NFE2L2: variants seen among roughly 807,000 people sequenced by gnomAD.
NFE2L2 encodes NFE2 like bZIP transcription factor 2.
A neutral mutation model predicts 49.6 loss-of-function variants in NFE2L2; 20 were observed. That is an observed-to-expected ratio of 0.40 (90% CI 0.28 to 0.59). NFE2L2 has a LOEUF of 0.59. Ranked by LOEUF, NFE2L2 falls within the 20% of genes least tolerant of loss-of-function variation. NFE2L2 has a pLI of 0.40. For synonymous variants in NFE2L2, 244 were observed against 256.5 expected (o/e 0.95, Z 0.47); for missense variants, 578 against 714.2 (o/e 0.81, Z 2.17).
chr2:177,264,354 C>T (rs1690860490), intron 1 of NFE2L2, 178 bp downstream of exon 1: 2 of 568,900 alleles, frequency 3.5e-6, no homozygotes, highest in East Asian at 3.6e-5. Flanking sequence ...GCCGCGTCCC[C>T]GCTGCCCCTC....
chr2:177,250,287 A>T (rs1250834118), intron 1 of NFE2L2, among the ~76,000 whole-genome samples: 10 of 152,214 alleles, frequency 6.6e-5, no homozygotes, highest in Admixed American at 3.3e-4. Flanking sequence ...TGTTCCAACT[A>T]AGGATATAAA....
chr2:177,234,721 T>C (rs1297965839), intron 1 of NFE2L2, among the ~76,000 whole-genome samples: 1 of 152,246 alleles, frequency 6.6e-6, no homozygotes, highest in Non-Finnish European at 1.5e-5. Flanking sequence ...ATCCAGTTTA[T>C]AGAGGGATAA....
chr2:177,234,908 G>C (rs1474105721), intron 1 of NFE2L2, among the ~76,000 whole-genome samples: 1 of 152,042 alleles, frequency 6.6e-6, no homozygotes, highest in African/African-American at 2.4e-5. Flanking sequence ...CTGAGGTCTG[G>C]AGTTCGAGAT....
chr2:177,261,179 A>AC (rs998640646), intron 1 of NFE2L2, among the ~76,000 whole-genome samples: 25 of 151,482 alleles, frequency 1.7e-4, no homozygotes, highest in African/African-American at 6.1e-4. Context: ...TCAAAAAAAA[A>AC]AAAAAACAAA....
At chr2:177,254,011 T>G (rs1690430948) in intron 1 of NFE2L2, among the ~76,000 whole-genome samples, 1 of 152,182 alleles carries the variant, frequency 6.6e-6, no homozygotes, top group African/African-American at 2.4e-5. Flanking sequence ...CCCCCTTTAC[T>G]CTCCTATCTC....
intron 1 of NFE2L2, 192 bp downstream of exon 1, chr2:177,264,340 C>A (rs1016777246): frequency 9.3e-6 from 5 of 537,112 alleles, no homozygotes; most frequent in Admixed American, 4.4e-5. Flanking sequence ...GGTCGGATCA[C>A]CCGGCCGCGT....
At chr2:177,264,481 C>T (rs2105502816) in intron 1 of NFE2L2, 51 bp downstream of exon 1, 3 of 1,508,674 alleles carry the variant, frequency 2.0e-6, no homozygotes, top group Non-Finnish European at 2.7e-6. Flanking sequence ...TCCCTAGCTC[C>T]CCCGCCCCCG....
At chr2:177,258,774 C>G (rs1055850686) in intron 1 of NFE2L2, among the ~76,000 whole-genome samples, 1 of 152,164 alleles carries the variant, frequency 6.6e-6, no homozygotes, top group African/African-American at 2.4e-5. Flanking sequence ...GAGGAGGCAT[C>G]AAAGCCTAAG....
chr2:177,262,009 A>C (rs988373379), intron 1 of NFE2L2, among the ~76,000 whole-genome samples: 7 of 152,212 alleles, frequency 4.6e-5, no homozygotes, highest in Admixed American at 3.9e-4. Flanking sequence ...AATCCTAAAG[A>C]CAGAGTCAGT....
At chr2:177,263,451 C>G (rs1468699549) in intron 1 of NFE2L2, 1 of 985,374 alleles carries the variant, frequency 1.0e-6, no homozygotes, top group Non-Finnish European at 1.2e-6. Flanking sequence ...TTTGGAATTG[C>G]AATTCTGAAA....
In NFE2L2 at chr2:177,231,090, C is replaced by T; in HGVS notation, c.1513G>A (p.Gly505Ser). The T allele has an allele frequency of 6.2e-7, 1 of 1,613,944 alleles. No individual in the cohort carries two copies. The highest frequency in any genetic ancestry group is 8.5e-7 in the Non-Finnish European group (1 of 1,180,016). The change falls in exon 5 of 5, where the codon GGT becomes AGT. Residue 505 changes from glycine (G) to serine (S), a missense_variant. Physicochemically the swap from Gly to Ser is moderately conservative, Grantham distance 56 (BLOSUM62 0). Coordinates refer to ENST00000397062, the MANE Select transcript of NFE2L2 (RefSeq NM_006164.5). ...LALIRDIRRR[G>S]KNKVAAQNCR... ...TTCTGAGCAGCCACTTTATTCTTAC[C>T]CCTCCTACGTATATCCCGAATTAAT...
At chr2:177,263,683 C>T (rs1037264653) in intron 1 of NFE2L2, 79 of 985,400 alleles carry the variant, frequency 8.0e-5, no homozygotes, top group Non-Finnish European at 9.4e-5. Context: ...GAACTAGAAG[C>T]CCCGGGTGCC....
Position 177,246,061 on chromosome 2 carries a change from A to T in NFE2L2, c.46-11790T>A, listed in dbSNP as rs141293347. Among the ~76,000 whole-genome samples the T allele has an allele frequency of 1.7e-3, 256 of 152,302 alleles. 3 individuals carry two copies. Among genetic ancestry groups the T allele is most frequent in the African/African-American group, 5.1e-3 (210 of 41,576 alleles). On this transcript the variant is annotated intron_variant, in intron 1 of 4. Transcript: ENST00000397062. ...GCTTGTCCACTGCTCCTTGGTGTTCACACCACAACAGACACGTTCTGGAAA... is the reference window on the plus strand; with the variant it reads ...GCTTGTCCACTGCTCCTTGGTGTTCTCACCACAACAGACACGTTCTGGAAA...
At chr2:177,242,243 T>A (rs1248030545) in intron 1 of NFE2L2, among the ~76,000 whole-genome samples, 1 of 152,192 alleles carries the variant, frequency 6.6e-6, no homozygotes, top group East Asian at 1.9e-4. Flanking sequence ...CGAGGCCAAG[T>A]GTAAATGTTG....
At chr2:177,263,308 T>C (rs1690806166) in intron 1 of NFE2L2, 2 of 942,900 alleles carry the variant, frequency 2.1e-6, no homozygotes, top group Non-Finnish European at 2.5e-6. Flanking sequence ...AGGAAACATA[T>C]ATAAAGTACT....
Position 177,233,239 on chromosome 2 carries a change from T to C in NFE2L2, c.402+11A>G, listed in dbSNP as rs761363058. The C allele has an allele frequency of 6.3e-7, 1 of 1,579,616 alleles. No individual in the cohort carries two copies. Among genetic ancestry groups the C allele is most frequent in the East Asian group, 2.3e-5 (1 of 43,474 alleles). ...GAGTTTTTCTATTAACCAGGTTATT[T>C]TATACCTCACCTCATTGTCATCTAC... On this transcript the variant is annotated intron_variant, in intron 3 of 4. Transcript: ENST00000397062.
intron 1 of NFE2L2, among the ~76,000 whole-genome samples, chr2:177,256,523 A>C (rs1022386243): frequency 2.7e-5 from 4 of 145,976 alleles, no homozygotes; most frequent in African/African-American, 1.0e-4. Context: ...AAAAAAAAGG[A>C]AAGGACATTG....
intron 1 of NFE2L2, among the ~76,000 whole-genome samples, chr2:177,235,169 C>T (rs142621111): frequency 0.017 from 2,488 of 150,778 alleles, 68 homozygotes; most frequent in African/African-American, 0.057. Context: ...CTCACGCCTA[C>T]AAGCCCAGCA....
rs2105453283 is a variant in NFE2L2 at position 177,231,642 on chromosome 2, C to T, written c.961G>A (p.Asp321Asn). 2 of 1,614,150 alleles carry T rather than the reference C, an allele frequency of 1.2e-6. No homozygotes were observed. The highest frequency in any genetic ancestry group is 1.7e-6 in the Non-Finnish European group (2 of 1,180,014). The stretch of plus-strand genomic sequence containing the variant: ...TTGAAAGCTTTGCAAAGTGATAGAT[C>T]AGAAACATCAATGGGCCCATTTAGA... The part of the protein sequence containing the change: ...ELLNGPIDVS[D>N]LSLCKAFNQN... The change falls in exon 5 of 5, where the codon GAT becomes AAT. Residue 321 changes from aspartate (D) to asparagine (N), a missense_variant. Coordinates refer to ENST00000397062, the MANE Select transcript of NFE2L2 (RefSeq NM_006164.5).
Sources: allele counts gnomAD v4.1 joint callset (sites outside exome capture counted in the v4.1 genomes callset), GRCh38; gene constraint gnomAD v4.1.1; transcripts MANE v1.5; gene names NCBI Gene and HGNC (gene_info 2026-07-23, HGNC 2026-07-21).